RFX2: variants seen among roughly 807,000 people sequenced by gnomAD.
The protein encoded by RFX2 is regulatory factor X2, also known as DNA-binding protein RFX2.
A neutral mutation model predicts 87.8 loss-of-function variants in RFX2; 20 were observed. The ratio of observed to expected loss-of-function variants is 0.23; its 90% CI spans 0.16 to 0.33. The LOEUF (loss-of-function observed/expected upper bound fraction) is 0.33. Ranked by LOEUF, RFX2 falls within the 10% of genes least tolerant of loss-of-function variation. The probability of loss-of-function intolerance (pLI) is 1.00; values close to 1 mark genes in which losing one functional copy is unlikely to be tolerated. For synonymous variants in RFX2, 397 were observed against 431.3 expected (o/e 0.92, Z 0.98); for missense variants, 767 against 1,012.3 (o/e 0.76, Z 3.29).
At chr19:6,099,096 G>A (rs1050516812) in intron 1 of RFX2, among the ~76,000 whole-genome samples, 2 of 151,556 alleles carry the variant, frequency 1.3e-5, no homozygotes, top group African/African-American at 4.9e-5. Flanking sequence ...TTTCGTTGCT[G>A]AAACAATTCT....
At position 6,047,318 on chromosome 19, in the gene RFX2, C is replaced by T. The variant is rs2087204623; in HGVS notation, c.90+89G>A. Reference sequence around the variant, plus strand: ...AGTCCATTCAGAAAAATACAGATTCCTCTCTTTGCAGATCTGAGCAGCTTT... The same window carrying T: ...AGTCCATTCAGAAAAATACAGATTCTTCTCTTTGCAGATCTGAGCAGCTTT... On this transcript the variant is annotated intron_variant, in intron 2 of 17. Coordinates refer to ENST00000303657, the MANE Select transcript of RFX2 (RefSeq NM_000635.4). The surrounding 1 kb of genome is among the most constrained non-coding windows in gnomAD (Gnocchi z 4.2). 12 of 1,021,884 alleles carry T rather than the reference C, an allele frequency of 1.2e-5. No homozygotes were observed. The South Asian group carries it at 1.8e-4, about 15-fold the overall frequency. 63.3% of individuals were successfully genotyped at this position (1,021,884 alleles called of 1,614,324 possible). A position where few individuals can be genotyped will look rare whatever the true frequency, so the allele number is the denominator to read the frequency against.
In RFX2 at chr19:6,044,063, T is replaced by C; in HGVS notation, c.180+130A>G. The C allele has an allele frequency of 4.2e-6, 2 of 475,820 alleles. No homozygotes were observed. 29.5% of individuals were successfully genotyped at this position (475,820 alleles called of 1,614,324 possible). ...TTGCACAGCTTCTGGAAAAGTCTTT[T>C]GGCTAAGAAACTGAAGCTTACAACA... On this transcript the variant is annotated intron_variant, in intron 3 of 17. Transcript: ENST00000303657. This position sits in a 1 kb window ranked among gnomAD's most constrained non-coding sequence, Gnocchi z 5.3.
In RFX2 at chr19:6,056,676, C is replaced by A. The variant is rs535853418; in HGVS notation, c.-8-9172G>T. Among the ~76,000 whole-genome samples, 5 of 152,340 alleles carry A rather than the reference C, an allele frequency of 3.3e-5. No homozygotes were observed. In the South Asian group the frequency reaches 1.0e-3, roughly 32 times the overall value. On this transcript the variant is annotated intron_variant, in intron 1 of 17. Transcript: ENST00000303657. The surrounding 1 kb of genome is among the most constrained non-coding windows in gnomAD (Gnocchi z 4.6). ...TAGATGTGAGTGAGTGGAGGCCATG[C>A]TTCTTCTCTGAACCTGAATCTGCTG...
At chr19:6,006,873 T>C (rs2086589648) in intron 12 of RFX2, 139 bp downstream of exon 12, 2 of 919,286 alleles carry the variant, frequency 2.2e-6, no homozygotes, top group Non-Finnish European at 3.3e-6. Context: ...ATCACTGGCA[T>C]GAGCCACCGC....
At chr19:6,103,678 CT>C (rs2088163118) in intron 1 of RFX2, among the ~76,000 whole-genome samples, 1 of 152,206 alleles carries the variant, frequency 6.6e-6, no homozygotes. Flanking sequence ...ACTCCAACAA[CT>C]TTTCGTGCTG....
At chr19:6,046,063 C>T (rs542384703) in intron 2 of RFX2, among the ~76,000 whole-genome samples, 1 of 152,244 alleles carries the variant, frequency 6.6e-6, no homozygotes, top group East Asian at 1.9e-4. Context: ...TCGAGGTGGT[C>T]ACACGGCCAC....
chr19:6,100,871 GAATT>G (rs764466568), intron 1 of RFX2, among the ~76,000 whole-genome samples: 95 of 137,938 alleles, frequency 6.9e-4, no homozygotes, highest in South Asian at 2.5e-3. Flanking sequence ...TGATTTAATT[GAATT>G]AATTAATTGA....
intron 3 of RFX2, among the ~76,000 whole-genome samples, chr19:6,043,810 A>C (rs1026058406): frequency 7.2e-5 from 11 of 152,218 alleles, no homozygotes; most frequent in African/African-American, 2.4e-4. Context: ...AAATCATAAG[A>C]AGCATTTCCT....
intron 9 of RFX2, among the ~76,000 whole-genome samples, chr19:6,009,195 C>A (rs1053868087): frequency 6.6e-6 from 1 of 152,164 alleles, no homozygotes; most frequent in African/African-American, 2.4e-5. Context: ...GGGCCTGACC[C>A]CACCTCAATC....
At chr19:6,008,283 C>T in intron 9 of RFX2, 59 bp from the exon 10 acceptor site, 1 of 1,090,238 alleles carries the variant, frequency 9.2e-7, no homozygotes. Flanking sequence ...CCGTGGACAA[C>T]TGGAAGGCCA....
chr19:6,071,553 T>TTGTCTCAAATGCCACC (rs1408890741), intron 1 of RFX2, among the ~76,000 whole-genome samples: 1 of 152,202 alleles, frequency 6.6e-6, no homozygotes, highest in Non-Finnish European at 1.5e-5. Context: ...ATCTCTTTGC[T>TTGTCTCAAATGCCACC]TGTCTCAAAT....
Position 5,997,184 on chromosome 19 carries a change from C to T in RFX2, c.1889G>A (p.Arg630His), listed in dbSNP as rs1470912312. The T allele has an allele frequency of 2.5e-6, 4 of 1,612,642 alleles. No individual in the cohort carries two copies. Among genetic ancestry groups the T allele is most frequent in the East Asian group, 2.2e-5 (1 of 44,890 alleles). ...GAAGGAGCCGAAGCTGGCAGCGCTG[C>T]GCAGGGTCAGGTCCCGGATCACCAT... ...SSMVIRDLTL[R>H]SAASFGSFHL... Residue 630 changes from arginine to histidine, a missense_variant, in exon 16 of 18, where the codon CGC becomes CAC. Arg to His is a conservative substitution (Grantham distance 29). Transcript: ENST00000303657. This position sits in a 1 kb window ranked among gnomAD's most constrained non-coding sequence, Gnocchi z 4.2.
chr19:6,040,015 A>G lies in RFX2; in HGVS notation c.487T>C (p.Ser163Pro). Residue 163 changes from serine to proline, a missense_variant, in exon 5 of 18, where the codon TCC (serine) becomes CCC (proline). Transcript: ENST00000303657. The surrounding 1 kb of genome is among the most constrained non-coding windows in gnomAD (Gnocchi z 6.1). ...GATGAGCGGGAGGTGTGGGCCAGGG[A>G]GTGTCTGGTGCTGTCCATCCCCCCG... Reference protein sequence around the residue: ...IHGGMDSTRHSLAHTSRSSPA... With the variant: ...IHGGMDSTRHPLAHTSRSSPA... 22 of 1,602,164 alleles carry G rather than the reference A, an allele frequency of 1.4e-5. No individual in the cohort carries two copies. The highest frequency in any genetic ancestry group is 1.9e-5 in the Non-Finnish European group (22 of 1,173,990).
intron 1 of RFX2, among the ~76,000 whole-genome samples, chr19:6,096,444 T>TGTTTC (rs2088025671): frequency 7.6e-6 from 1 of 131,514 alleles, no homozygotes; most frequent in South Asian, 2.2e-4. Context: ...TGTTTTGTTT[T>TGTTTC]GTTTTGTTTT....
Position 6,063,969 on chromosome 19 carries a change from G to A in RFX2, c.-8-16465C>T, listed in dbSNP as rs2087475620. 6.6e-6 allele frequency among the ~76,000 whole-genome samples: 1 copy of A among 152,178 alleles called. No individual in the cohort carries two copies. On this transcript the variant is annotated intron_variant, in intron 1 of 17. Transcript: ENST00000303657. This position sits in a 1 kb window ranked among gnomAD's most constrained non-coding sequence, Gnocchi z 4.0. ...CCAGATTCACCAAACCACTCTCCGTGCTTGTCCCCTCAGATTACTTCATGT... is the reference window on the plus strand; with the variant it reads ...CCAGATTCACCAAACCACTCTCCGTACTTGTCCCCTCAGATTACTTCATGT...
intron 1 of RFX2, among the ~76,000 whole-genome samples, chr19:6,060,464 A>G (rs1270997754): frequency 1.3e-5 from 2 of 152,220 alleles, no homozygotes; most frequent in East Asian, 3.9e-4. Flanking sequence ...CTTTCAGCTT[A>G]TAGACAAGCT....
intron 5 of RFX2, among the ~76,000 whole-genome samples, chr19:6,033,273 A>T (rs550497057): frequency 6.6e-6 from 1 of 152,340 alleles, no homozygotes; most frequent in East Asian, 1.9e-4. Context: ...CTGGGATCAC[A>T]TACTGTGATC....
rs754620194 is a variant in RFX2 at position 6,010,125 on chromosome 19, G to C, written c.1015+11C>G. 7 of 1,520,058 alleles carry C rather than the reference G, an allele frequency of 4.6e-6. No homozygotes were observed. Among genetic ancestry groups the C allele is most frequent in the African/African-American group, 2.8e-5 (2 of 72,460 alleles). The allele number at this position is 1,520,058 out of a possible 1,614,324, so 94.2% of individuals were successfully genotyped here. A position where few individuals can be genotyped will look rare whatever the true frequency, so the allele number is the denominator to read the frequency against. ...GGGAGCCCCGCCCCCGGGCCTGACC[G>C]GGCCTCTCACCTATGTACTGCTGGT... On this transcript the variant is annotated intron_variant, in intron 9 of 17. Coordinates refer to ENST00000303657, the MANE Select transcript of RFX2 (RefSeq NM_000635.4). The surrounding 1 kb of genome is among the most constrained non-coding windows in gnomAD (Gnocchi z 5.0).
chr19:6,082,525 T>C (rs2087799911), intron 1 of RFX2, among the ~76,000 whole-genome samples: 3 of 152,090 alleles, frequency 2.0e-5, no homozygotes, highest in Non-Finnish European at 4.4e-5. Flanking sequence ...CTCTAACTCC[T>C]GGGCTCAAGC....
Sources: allele counts gnomAD v4.1 joint callset (sites outside exome capture counted in the v4.1 genomes callset), GRCh38; gene constraint gnomAD v4.1.1; non-coding constraint Gnocchi (gnomAD v3.1); transcripts MANE v1.5; gene names NCBI Gene and HGNC (gene_info 2026-07-23, HGNC 2026-07-21).